NFIB: variants seen among roughly 807,000 people sequenced by gnomAD.
The protein encoded by NFIB is nuclear factor I B.
Under a neutral mutation model 61.5 loss-of-function variants are expected in NFIB, and 11 were observed. The observed-to-expected ratio is 0.18, with a 90% CI of 0.11 to 0.30. The LOEUF (loss-of-function observed/expected upper bound fraction) is 0.30. Among genes scored for constraint, NFIB ranks in the 10% least tolerant of loss-of-function variants. The pLI, the probability that NFIB is intolerant of heterozygous loss-of-function variation, is 1.00. For synonymous variants in NFIB, 260 were observed against 216.5 expected (o/e 1.20, Z -1.76); for missense variants, 471 against 608.9 (o/e 0.77, Z 2.38).
At chr9:14,480,756 C>T in the NFIB span, among the ~76,000 whole-genome samples, 5 of 152,106 alleles carry the variant, frequency 3.3e-5, no homozygotes, top group Admixed American at 3.3e-4. Flanking sequence ...ACAGTTTAAT[C>T]AACACTTAGA....
At chr9:14,188,121 T>G (rs976972299) in intron 2 of NFIB, among the ~76,000 whole-genome samples, 1 of 152,228 alleles carries the variant, frequency 6.6e-6, no homozygotes, top group African/African-American at 2.4e-5. Context: ...AAAAACACCG[T>G]ACTGGTCATT....
chr9:14,120,475 G>C lies in NFIB; in HGVS notation c.1210C>G (p.Pro404Ala). ...NPQDTLKNYVPSYDPSSPQTS... is the reference protein window; with the variant it reads ...NPQDTLKNYVASYDPSSPQTS... Reference sequence around the variant, plus strand: ...TGTGGACTGGATGGGTCATAAGAAGGTACATAGTTCTTCAGAGTATCCTGA... The same window carrying C: ...TGTGGACTGGATGGGTCATAAGAAGCTACATAGTTCTTCAGAGTATCCTGA... The change falls in exon 8 of 11, where the codon CCT (proline) becomes GCT (alanine). Residue 404 changes from proline to alanine, a missense_variant. This residue lies in a region of NFIB where 372 missense variants were observed against 395.6 expected (regional missense o/e 0.94). Coordinates refer to ENST00000380953, the MANE Select transcript of NFIB (RefSeq NM_001190737.2). This position sits in a 1 kb window ranked among gnomAD's most constrained non-coding sequence, Gnocchi z 4.4. 6.2e-7 allele frequency: 1 copy of C among 1,614,072 alleles called. No homozygotes were observed. The highest frequency in any genetic ancestry group is 8.5e-7 in the Non-Finnish European group (1 of 1,180,010).
chr9:14,305,694 A>C (rs1422079160), intron 2 of NFIB: 1 of 204,832 alleles, frequency 4.9e-6, no homozygotes, highest in African/African-American at 2.3e-5. Context: ...CTACAAGAAA[A>C]TCAAGACAAA....
At chr9:14,446,706 T>G in the NFIB span, among the ~76,000 whole-genome samples, 1 of 152,170 alleles carries the variant, frequency 6.6e-6, no homozygotes, top group African/African-American at 2.4e-5. Flanking sequence ...CCATACTAGC[T>G]ACATAAATAT....
intron 2 of NFIB, among the ~76,000 whole-genome samples, chr9:14,213,266 T>C (rs1450927758): frequency 6.6e-6 from 1 of 152,168 alleles, no homozygotes; most frequent in Non-Finnish European, 1.5e-5. Context: ...GGAAAGTTAC[T>C]TATCTTTGGA....
At chr9:14,167,087 G>GGGA (rs2044913662) in intron 3 of NFIB, among the ~76,000 whole-genome samples, 1 of 150,254 alleles carries the variant, frequency 6.7e-6, no homozygotes. Context: ...GTGTGTCGGG[G>GGGA]GGGGGGGGTT....
intron 2 of NFIB, among the ~76,000 whole-genome samples, chr9:14,298,264 C>T (rs1256934695): frequency 6.6e-6 from 1 of 152,092 alleles, no homozygotes; most frequent in Non-Finnish European, 1.5e-5. Context: ...GTGTTAAGTT[C>T]AAAAGTCAGT....
chr9:14,433,261 A>T, the NFIB span, among the ~76,000 whole-genome samples: 3 of 152,150 alleles, frequency 2.0e-5, no homozygotes, highest in African/African-American at 4.8e-5. Context: ...TCTTTTGGAA[A>T]ATGTCATTAA....
At chr9:14,498,996 A>G in the NFIB span, among the ~76,000 whole-genome samples, 24 of 149,924 alleles carry the variant, frequency 1.6e-4, no homozygotes, top group African/African-American at 4.9e-4. Flanking sequence ...AATTGTGTGT[A>G]TGTGTGTGTG....
At chr9:14,182,596 C>A (rs1227911590) in intron 2 of NFIB, among the ~76,000 whole-genome samples, 3 of 151,922 alleles carry the variant, frequency 2.0e-5, no homozygotes, top group Admixed American at 1.3e-4. Flanking sequence ...CACATCTAAA[C>A]CCCTTCCAAT....
At chr9:14,167,852 A>G (rs545414384) in intron 3 of NFIB, among the ~76,000 whole-genome samples, 1 of 152,324 alleles carries the variant, frequency 6.6e-6, no homozygotes, top group East Asian at 1.9e-4. Flanking sequence ...TATACTCCCT[A>G]GTAAACAAAA....
At chr9:14,187,123 T>TC (rs2047462588) in intron 2 of NFIB, among the ~76,000 whole-genome samples, 2 of 151,930 alleles carry the variant, frequency 1.3e-5, no homozygotes, top group East Asian at 3.9e-4. Context: ...TCTCTCTGTC[T>TC]CTTTTCAATA....
chr9:14,528,589 C>A, the NFIB span, among the ~76,000 whole-genome samples: 97 of 151,874 alleles, frequency 6.4e-4, no homozygotes, highest in Non-Finnish European at 1.3e-3. Context: ...AAATAATTAC[C>A]CTTCATGATT....
At chr9:14,239,256 A>C (rs1308835709) in intron 2 of NFIB, among the ~76,000 whole-genome samples, 1 of 152,248 alleles carries the variant, frequency 6.6e-6, no homozygotes, top group Non-Finnish European at 1.5e-5. Context: ...ATGGTCACAA[A>C]GAAAATAACA....
the NFIB span, among the ~76,000 whole-genome samples, chr9:14,414,304 A>G: frequency 1.5e-4 from 23 of 151,840 alleles, no homozygotes; most frequent in African/African-American, 4.6e-4. Context: ...GCGTGGTGGC[A>G]TGTGCCTGTA....
At chr9:14,321,847 C>G (rs2060668778) in intron 1 of NFIB, 1 of 1,224,316 alleles carries the variant, frequency 8.2e-7, no homozygotes, top group Non-Finnish European at 1.0e-6. Context: ...TTGCAATCCA[C>G]AAACAGGAAA....
chr9:14,391,334 C>A (rs1018524115), intron 1 of NFIB, among the ~76,000 whole-genome samples: 8 of 6,214 alleles, frequency 1.3e-3, no homozygotes, highest in African/African-American at 5.9e-3. Context: ...AGGAGATGCC[C>A]CCCCCCCACC....
At chr9:14,266,428 G>GA (rs796794756) in intron 2 of NFIB, among the ~76,000 whole-genome samples, 12 of 149,964 alleles carry the variant, frequency 8.0e-5, no homozygotes, top group South Asian at 4.2e-4. Context: ...CCCATTTCTA[G>GA]AAAAAAAAAA....
intron 2 of NFIB, among the ~76,000 whole-genome samples, chr9:14,185,207 G>C (rs2047212053): frequency 6.6e-6 from 1 of 152,134 alleles, no homozygotes; most frequent in South Asian, 2.1e-4. Context: ...AGGTGGGCAA[G>C]GGCATATCAT....
Sources: allele counts gnomAD v4.1 joint callset (sites outside exome capture counted in the v4.1 genomes callset), GRCh38; gene constraint gnomAD v4.1.1; regional missense constraint gnomAD v4.1.1; non-coding constraint Gnocchi (gnomAD v3.1); transcripts MANE v1.5; gene names NCBI Gene and HGNC (gene_info 2026-07-23, HGNC 2026-07-21).